UHRF2: variants seen among roughly 807,000 people sequenced by gnomAD.
The protein encoded by UHRF2 is E3 ubiquitin-protein ligase UHRF2.
UHRF2 carries 23 observed loss-of-function variants against 96.8 expected under a neutral mutation model. The observed-to-expected ratio is 0.24, with a 90% CI of 0.17 to 0.34. The LOEUF (loss-of-function observed/expected upper bound fraction) is 0.34, where lower values mean the gene tolerates loss of function less well. Ranked by LOEUF, UHRF2 falls within the 10% of genes least tolerant of loss-of-function variation. The pLI is 1.00. For missense variants in UHRF2, 685 were observed against 981.5 expected, an observed-to-expected ratio of 0.70 and a Z score of 4.04; for synonymous variants, 385 against 332.6, an observed-to-expected ratio of 1.16 and a Z score of -1.72.
chr9:6,466,683 G>A (rs1355515337), intron 4 of UHRF2, among the ~76,000 whole-genome samples: 2 of 151,632 alleles, frequency 1.3e-5, no homozygotes, highest in African/African-American at 4.8e-5. Context: ...ATTGAACATG[G>A]CTTCTTACAG....
chr9:6,450,782 A>T (rs1821810394), intron 3 of UHRF2, among the ~76,000 whole-genome samples: 1 of 152,178 alleles, frequency 6.6e-6, no homozygotes, highest in Non-Finnish European at 1.5e-5. Context: ...GTGACATAAT[A>T]GTTTTTGAAT....
Position 6,465,614 on chromosome 9 carries a change from C to G in UHRF2, c.863+4823C>G, listed in dbSNP as rs188753330. Among the ~76,000 whole-genome samples the G allele has an allele frequency of 2.4e-3, 367 of 152,216 alleles. 2 individuals are homozygous for G. Among genetic ancestry groups the G allele is most frequent in the Non-Finnish European group, 4.5e-3 (309 of 67,986 alleles). On this transcript the variant is annotated intron_variant, in intron 4 of 15. Coordinates refer to ENST00000276893, the MANE Select transcript of UHRF2 (RefSeq NM_152896.3). ...ACCTACATCTTTTTAATGTGTTAAT[C>G]TGTTACGATGTTTTTTATTTCTGAA...
intron 2 of UHRF2, among the ~76,000 whole-genome samples, chr9:6,432,242 A>G (rs1192915523): frequency 2.0e-5 from 3 of 152,134 alleles, no homozygotes; most frequent in Non-Finnish European, 4.4e-5. Flanking sequence ...CTTTCAAGCT[A>G]TTTCATTGCT....
At chr9:6,458,571 T>C (rs1822323464) in intron 3 of UHRF2, among the ~76,000 whole-genome samples, 1 of 152,154 alleles carries the variant, frequency 6.6e-6, no homozygotes, top group Non-Finnish European at 1.5e-5. Flanking sequence ...TCTCTAGTTC[T>C]TTTAATGGTG....
intron 4 of UHRF2, among the ~76,000 whole-genome samples, chr9:6,464,010 T>G (rs1034425421): frequency 1.9e-4 from 29 of 152,190 alleles, no homozygotes; most frequent in African/African-American, 5.3e-4. Context: ...CCTGTGCATC[T>G]TCAACTTGAG....
intron 3 of UHRF2, among the ~76,000 whole-genome samples, chr9:6,455,114 A>G (rs1018222259): frequency 2.0e-5 from 3 of 152,038 alleles, no homozygotes; most frequent in African/African-American, 7.2e-5. Context: ...CTAGCAATAC[A>G]TAGGAGCAGC....
chr9:6,434,333 G>T, intron 3 of UHRF2, 160 bp downstream of exon 3: 2 of 786,020 alleles, frequency 2.5e-6, no homozygotes, highest in African/African-American at 1.8e-5. Context: ...CTAATTTAAA[G>T]GTCCTTTTAG....
intron 9 of UHRF2, among the ~76,000 whole-genome samples, chr9:6,493,338 T>C (rs1274669286): frequency 1.3e-5 from 2 of 152,146 alleles, no homozygotes; most frequent in African/African-American, 2.4e-5. Flanking sequence ...TAAATTTGCT[T>C]TTGTAGTACT....
intron 2 of UHRF2, among the ~76,000 whole-genome samples, chr9:6,432,493 G>C (rs1168801461): frequency 6.6e-6 from 1 of 152,150 alleles, no homozygotes; most frequent in African/African-American, 2.4e-5. Context: ...TCAAAGTCAA[G>C]ATGTCTTCAA....
At chr9:6,461,186 C>G (rs968659753) in intron 4 of UHRF2, among the ~76,000 whole-genome samples, 4 of 152,208 alleles carry the variant, frequency 2.6e-5, no homozygotes, top group Non-Finnish European at 4.4e-5. Flanking sequence ...ACTTCTAAGA[C>G]TAGCTGAAAT....
At chr9:6,458,488 A>C (rs1443683755) in intron 3 of UHRF2, among the ~76,000 whole-genome samples, 1 of 146,738 alleles carries the variant, frequency 6.8e-6, no homozygotes, top group African/African-American at 2.5e-5. Context: ...TCATCTCTCT[A>C]TCTCCTTCAG....
At chr9:6,417,354 A>G (rs1331595197) in intron 1 of UHRF2, among the ~76,000 whole-genome samples, 4 of 152,136 alleles carry the variant, frequency 2.6e-5, no homozygotes, top group Admixed American at 2.0e-4. Context: ...GTTCTCAAAC[A>G]TTTGCTTTTG....
chr9:6,474,836 G>C (rs1823467799), intron 4 of UHRF2, among the ~76,000 whole-genome samples: 1 of 152,148 alleles, frequency 6.6e-6, no homozygotes, highest in South Asian at 2.1e-4. Context: ...GTATTTGAAA[G>C]ACTTTATGAA....
intron 10 of UHRF2, chr9:6,495,137 G>A (rs969134676): frequency 6.6e-6 from 1 of 152,010 alleles, no homozygotes; most frequent in East Asian, 1.9e-4. Flanking sequence ...TTTAATAATC[G>A]ATAATTTTGC....
chr9:6,505,665 A>C (rs749281952), intron 15 of UHRF2, among the ~76,000 whole-genome samples: 3 of 152,220 alleles, frequency 2.0e-5, no homozygotes, highest in Non-Finnish European at 4.4e-5. Context: ...ATTCATTTCT[A>C]AGCAAGGGAA....
intron 3 of UHRF2, among the ~76,000 whole-genome samples, chr9:6,448,211 A>G (rs936862150): frequency 2.6e-5 from 4 of 152,204 alleles, no homozygotes; most frequent in East Asian, 3.8e-4. Flanking sequence ...CAGTTTTACA[A>G]CTGTGTAGGA....
chr9:6,505,035 A>G (rs1427210490), intron 15 of UHRF2, among the ~76,000 whole-genome samples: 1 of 152,070 alleles, frequency 6.6e-6, no homozygotes. Flanking sequence ...ATCATATAAA[A>G]CAGTTTATAC....
At chr9:6,453,384 T>C (rs1821985548) in intron 3 of UHRF2, among the ~76,000 whole-genome samples, 1 of 152,192 alleles carries the variant, frequency 6.6e-6, no homozygotes, top group South Asian at 2.1e-4. Context: ...ATGATGATAA[T>C]GTGTTGTCCA....
chr9:6,468,026 T>C (rs147835559), intron 4 of UHRF2, among the ~76,000 whole-genome samples: 1 of 152,348 alleles, frequency 6.6e-6, no homozygotes, highest in South Asian at 2.1e-4. Context: ...ATGTGTCTTA[T>C]AGTTGCTGAT....
Sources: allele counts gnomAD v4.1 joint callset (sites outside exome capture counted in the v4.1 genomes callset), GRCh38; gene constraint gnomAD v4.1.1; transcripts MANE v1.5; gene names NCBI Gene and HGNC (gene_info 2026-07-23, HGNC 2026-07-21).